The following CD247 variants were observed in gnomAD, a reference collection of about 807,000 sequenced individuals.
CD247 encodes CD247 molecule, also known as T-cell surface glycoprotein CD3 zeta chain.
CD247 carries 13 observed loss-of-function variants against 30.0 expected under a neutral mutation model. The ratio of observed to expected loss-of-function variants is 0.43; its 90% CI spans 0.28 to 0.69. The LOEUF (loss-of-function observed/expected upper bound fraction) is 0.69, where lower values mean the gene tolerates loss of function less well. Among genes scored for constraint, CD247 ranks in the 30% least tolerant of loss-of-function variants. The probability of loss-of-function intolerance (pLI) is 0.16; values close to 1 mark genes in which losing one functional copy is unlikely to be tolerated. For synonymous variants in CD247, 72 were observed against 80.0 expected (o/e 0.90, Z 0.53); for missense variants, 193 against 212.6 (o/e 0.91, Z 0.57).
intron 1 of CD247, among the ~76,000 whole-genome samples, chr1:167,452,225 CAAACA>C (rs540427688): frequency 1.1e-4 from 16 of 150,424 alleles, no homozygotes; most frequent in Non-Finnish European, 2.1e-4. Flanking sequence ...AACTCCATCT[CAAACA>C]AAACAAAACA....
chr1:167,455,921 G>A (rs962860278), intron 1 of CD247, among the ~76,000 whole-genome samples: 2 of 152,188 alleles, frequency 1.3e-5, no homozygotes, highest in Non-Finnish European at 2.9e-5. Context: ...CACGAGCACG[G>A]CGACAGTGGC....
intron 1 of CD247, among the ~76,000 whole-genome samples, chr1:167,475,722 A>G (rs1411916610): frequency 6.6e-6 from 1 of 152,244 alleles, no homozygotes; most frequent in African/African-American, 2.4e-5. Context: ...AAATGACACC[A>G]CAGGGATGCA....
intron 1 of CD247, among the ~76,000 whole-genome samples, chr1:167,461,192 A>G (rs1652992370): frequency 6.6e-6 from 1 of 152,232 alleles, no homozygotes; most frequent in African/African-American, 2.4e-5. Context: ...TGCGGCTTCC[A>G]AACTCAGCCG....
At chr1:167,448,758 C>T (rs1292780559) in intron 1 of CD247, among the ~76,000 whole-genome samples, 6 of 152,220 alleles carry the variant, frequency 3.9e-5, no homozygotes, top group South Asian at 4.1e-4. Flanking sequence ...CTACTCAAGA[C>T]GCTGAGGCAA....
chr1:167,444,887 C>T (rs189682295), intron 1 of CD247, among the ~76,000 whole-genome samples: 239 of 152,210 alleles, frequency 1.6e-3, no homozygotes, highest in African/African-American at 5.4e-3. Flanking sequence ...GGGATAACAA[C>T]ACTACCTGTC....
chr1:167,509,327 G>A (rs980149537), intron 1 of CD247, among the ~76,000 whole-genome samples: 4 of 142,772 alleles, frequency 2.8e-5, no homozygotes, highest in African/African-American at 8.0e-5. Context: ...TCGCGCCATT[G>A]CACTCCAGCC....
chr1:167,515,210 C>T (rs1655551317), intron 1 of CD247, among the ~76,000 whole-genome samples: 1 of 152,176 alleles, frequency 6.6e-6, no homozygotes, highest in East Asian at 1.9e-4. Flanking sequence ...TAAAAGCTTG[C>T]CTCACATTCA....
intron 1 of CD247, among the ~76,000 whole-genome samples, chr1:167,493,067 G>T (rs704849): frequency 8.4e-6 from 1 of 119,568 alleles, no homozygotes; most frequent in Non-Finnish European, 1.6e-5. Flanking sequence ...TTTTGAGATG[G>T]AGTGTCACTC....
At chr1:167,472,990 C>T (rs2102051449) in intron 1 of CD247, among the ~76,000 whole-genome samples, 1 of 152,300 alleles carries the variant, frequency 6.6e-6, no homozygotes, top group African/African-American at 2.4e-5. Context: ...CCACCTGCTC[C>T]TCTGGCCTGA....
At chr1:167,441,543 C>T (rs1402047682) in intron 1 of CD247, among the ~76,000 whole-genome samples, 1 of 152,250 alleles carries the variant, frequency 6.6e-6, no homozygotes, top group East Asian at 1.9e-4. Flanking sequence ...ACTATTTGCC[C>T]TGTGCCTTGC....
chr1:167,510,852 C>T (rs1016395136), intron 1 of CD247, among the ~76,000 whole-genome samples: 3 of 152,232 alleles, frequency 2.0e-5, no homozygotes, highest in Non-Finnish European at 2.9e-5. Context: ...ACAGCACCTA[C>T]AGCCCATCAC....
At chr1:167,433,097 A>C (rs770933214) in intron 6 of CD247, 38 bp from the exon 7 acceptor site, 9 of 1,610,292 alleles carry the variant, frequency 5.6e-6, no homozygotes, top group Admixed American at 1.7e-5. Context: ...AGGATTAGAA[A>C]GTCAGGCAGT....
chr1:167,433,670 G>T (rs938115025), intron 6 of CD247, among the ~76,000 whole-genome samples: 1 of 152,196 alleles, frequency 6.6e-6, no homozygotes, highest in African/African-American at 2.4e-5. Flanking sequence ...ATTCTTAATT[G>T]TTGATGAATT....
intron 1 of CD247, among the ~76,000 whole-genome samples, chr1:167,509,490 G>GA (rs1037101966): frequency 6.6e-5 from 10 of 150,902 alleles, no homozygotes; most frequent in African/African-American, 2.2e-4. Context: ...TTCCGAGGGT[G>GA]AAAAAAAAAG....
chr1:167,444,025 G>A (rs772934325), intron 1 of CD247, among the ~76,000 whole-genome samples: 15 of 152,186 alleles, frequency 9.9e-5, no homozygotes, highest in African/African-American at 9.7e-5. Context: ...TCTGGATTGC[G>A]TGCAGGTGGG....
intron 1 of CD247, among the ~76,000 whole-genome samples, chr1:167,444,477 T>G (rs1424979643): frequency 6.6e-6 from 1 of 152,206 alleles, no homozygotes; most frequent in African/African-American, 2.4e-5. Context: ...AGCTGTTTTA[T>G]TTAATGTTCC....
chr1:167,452,251 C>A (rs192560304), intron 1 of CD247, among the ~76,000 whole-genome samples: 1 of 151,036 alleles, frequency 6.6e-6, no homozygotes, highest in African/African-American at 2.4e-5. Flanking sequence ...AAACAAAAAC[C>A]ATCTCTAATA....
intron 7 of CD247, among the ~76,000 whole-genome samples, chr1:167,432,363 G>C (rs752954371): frequency 6.6e-6 from 1 of 152,206 alleles, no homozygotes; most frequent in African/African-American, 2.4e-5. Context: ...CCACACACAG[G>C]TAAGTTTCTG....
chr1:167,486,314 C>T lies in CD247; in HGVS notation c.58+32094G>A, dbSNP rs527269827. ...GAGAGGCAACTCTGGGGAAAGTGCCCTGGCCTCGGAGGGAGAGGAAGTGCT... is the reference window on the plus strand; with the variant it reads ...GAGAGGCAACTCTGGGGAAAGTGCCTTGGCCTCGGAGGGAGAGGAAGTGCT... On this transcript the variant is annotated intron_variant, in intron 1 of 7. Coordinates refer to ENST00000362089, the MANE Select transcript of CD247 (RefSeq NM_198053.3). Among the ~76,000 whole-genome samples the T allele has an allele frequency of 1.1e-4, 16 of 152,332 alleles. No individual in the cohort carries two copies. In the South Asian group the frequency reaches 3.3e-3, roughly 32 times the overall value.
Sources: allele counts gnomAD v4.1 joint callset (sites outside exome capture counted in the v4.1 genomes callset), GRCh38; gene constraint gnomAD v4.1.1; transcripts MANE v1.5; gene names NCBI Gene and HGNC (gene_info 2026-07-23, HGNC 2026-07-21).